Variants in GRIP1 observed in about 807,000 individuals in gnomAD.
GRIP1 encodes glutamate receptor-interacting protein 1.
Under a neutral mutation model 129.9 loss-of-function variants are expected in GRIP1, and 45 were observed. That is an observed-to-expected ratio of 0.35 (90% CI 0.27 to 0.44). The LOEUF is 0.44. Ranked by LOEUF, GRIP1 falls within the 20% of genes least tolerant of loss-of-function variation. The pLI is 1.00. For missense variants in GRIP1, 1,196 were observed against 1,396.8 expected (o/e 0.86, Z 2.29); for synonymous variants, 530 against 520.8 (o/e 1.02, Z -0.24).
At chr12:66,942,917 T>C (rs879784153) in intron 1 of GRIP1, among the ~76,000 whole-genome samples, 2 of 152,190 alleles carry the variant, frequency 1.3e-5, no homozygotes, top group Admixed American at 6.5e-5. Flanking sequence ...TAGGAGAAGA[T>C]GGCCATCTGT....
intron 1 of GRIP1, among the ~76,000 whole-genome samples, chr12:66,810,096 G>T (rs2039074216): frequency 6.6e-6 from 1 of 152,000 alleles, no homozygotes; most frequent in Non-Finnish European, 1.5e-5. Context: ...ATTTGAGAGG[G>T]GATCAGAAGC....
At chr12:66,442,732 C>T (rs1358400331) in intron 13 of GRIP1, among the ~76,000 whole-genome samples, 1 of 151,870 alleles carries the variant, frequency 6.6e-6, no homozygotes, top group Non-Finnish European at 1.5e-5. Flanking sequence ...GAGATGAGGT[C>T]TCCCTGTTTC....
chr12:66,501,605 A>G (rs1467780749), intron 7 of GRIP1, among the ~76,000 whole-genome samples: 1 of 152,218 alleles, frequency 6.6e-6, no homozygotes, highest in Non-Finnish European at 1.5e-5. Flanking sequence ...CAAAAGGAAA[A>G]GCCATTCTTG....
At chr12:66,884,362 C>T (rs12581142) in intron 1 of GRIP1, among the ~76,000 whole-genome samples, 7,944 of 152,206 alleles carry the variant, frequency 0.052, 355 homozygotes, top group East Asian at 0.26. Flanking sequence ...AGCGTATCAT[C>T]GAGGACCTGT....
At chr12:66,755,620 T>C (rs1015272570) in intron 1 of GRIP1, among the ~76,000 whole-genome samples, 4 of 152,156 alleles carry the variant, frequency 2.6e-5, no homozygotes, top group Admixed American at 2.0e-4. Context: ...TCTGGGAGTG[T>C]TGAATGTTCT....
chr12:66,485,707 G>A (rs1462921153), intron 7 of GRIP1, among the ~76,000 whole-genome samples: 1 of 151,804 alleles, frequency 6.6e-6, no homozygotes, highest in Admixed American at 6.6e-5. Context: ...ATTTATATCA[G>A]TAATCCTCTG....
At chr12:66,649,908 A>T (rs1397049924) in intron 1 of GRIP1, among the ~76,000 whole-genome samples, 1 of 152,188 alleles carries the variant, frequency 6.6e-6, no homozygotes, top group East Asian at 1.9e-4. Context: ...CTATGTTATG[A>T]ACCAAAGTGG....
intron 9 of GRIP1, among the ~76,000 whole-genome samples, chr12:66,456,866 A>C (rs1401562395): frequency 6.6e-6 from 1 of 152,158 alleles, no homozygotes; most frequent in African/African-American, 2.4e-5. Context: ...ACAATCCATC[A>C]CTTGGACTTG....
intron 1 of GRIP1, among the ~76,000 whole-genome samples, chr12:67,023,695 T>G (rs756696588): frequency 5.3e-5 from 8 of 152,126 alleles, no homozygotes; most frequent in Non-Finnish European, 2.9e-5. Flanking sequence ...ATCTATAGAT[T>G]AAGCAGTGGA....
At chr12:66,816,745 T>C (rs2039225477) in intron 1 of GRIP1, among the ~76,000 whole-genome samples, 2 of 152,160 alleles carry the variant, frequency 1.3e-5, no homozygotes, top group African/African-American at 4.8e-5. Context: ...ATGAAAATTT[T>C]CTGAATGACA....
chr12:66,402,939 G>C (rs577238767), intron 16 of GRIP1, among the ~76,000 whole-genome samples: 1 of 152,164 alleles, frequency 6.6e-6, no homozygotes, highest in African/African-American at 2.4e-5. Context: ...AATACAGATA[G>C]TCCCCACTTA....
At chr12:66,408,450 C>A (rs181284075) in intron 15 of GRIP1, among the ~76,000 whole-genome samples, 166 of 152,182 alleles carry the variant, frequency 1.1e-3, no homozygotes, top group Non-Finnish European at 1.7e-3. Context: ...GCACTCCAGC[C>A]TGGGCAACAG....
intron 1 of GRIP1, among the ~76,000 whole-genome samples, chr12:66,731,441 T>C (rs1173552644): frequency 6.6e-6 from 1 of 152,210 alleles, no homozygotes; most frequent in Non-Finnish European, 1.5e-5. Flanking sequence ...CTGTGCAATG[T>C]TTTGGATAAG....
intron 1 of GRIP1, among the ~76,000 whole-genome samples, chr12:66,650,847 G>A (rs2032743515): frequency 6.6e-6 from 1 of 152,130 alleles, no homozygotes; most frequent in Non-Finnish European, 1.5e-5. Flanking sequence ...TTAGGAGTCT[G>A]GCTCTGACAC....
chr12:66,641,239 C>T lies in GRIP1; in HGVS notation c.55+37611G>A, dbSNP rs1746245649. ...CAGAATTCACAGAAACAGATGTCTGCAGTCAAATGTGGTGAGCACAAAGAT... is the reference window on the plus strand; with the variant it reads ...CAGAATTCACAGAAACAGATGTCTGTAGTCAAATGTGGTGAGCACAAAGAT... On this transcript the variant is annotated intron_variant, in intron 1 of 24. Transcript: ENST00000359742. Among the ~76,000 whole-genome samples, 4 of 152,214 alleles carry T rather than the reference C, an allele frequency of 2.6e-5. No individual in the cohort carries two copies. In the South Asian group the frequency reaches 8.3e-4, roughly 32 times the overall value.
chr12:67,053,091 A>G (rs1034125612), intron 1 of GRIP1, among the ~76,000 whole-genome samples: 1 of 152,180 alleles, frequency 6.6e-6, no homozygotes, highest in East Asian at 1.9e-4. Flanking sequence ...TGAGGAATCC[A>G]TGAGGGGCCT....
chr12:66,917,363 T>C (rs1438267369), intron 1 of GRIP1, among the ~76,000 whole-genome samples: 4 of 152,192 alleles, frequency 2.6e-5, no homozygotes, highest in Non-Finnish European at 4.4e-5. Context: ...AGTTGTTCTC[T>C]ACACATTGTG....
intron 14 of GRIP1, among the ~76,000 whole-genome samples, chr12:66,427,798 C>T (rs969381355): frequency 1.3e-5 from 2 of 152,010 alleles, no homozygotes; most frequent in African/African-American, 2.4e-5. Context: ...TCCTTTTTTG[C>T]GGATCCTAAG....
intron 1 of GRIP1, among the ~76,000 whole-genome samples, chr12:66,965,931 C>T (rs1425170923): frequency 6.6e-6 from 1 of 152,124 alleles, no homozygotes; most frequent in African/African-American, 2.4e-5. Flanking sequence ...AATGCCTTCT[C>T]CATACTGACA....
Sources: gnomAD v4.1 joint callset for allele counts (sites outside exome capture counted in the v4.1 genomes callset) on GRCh38, gnomAD v4.1.1 for gene constraint, MANE v1.5 for transcripts, NCBI Gene and HGNC (gene_info 2026-07-23, HGNC 2026-07-21) for gene names.